The following UNG variants were observed in gnomAD, a reference collection of about 807,000 sequenced individuals.
UNG encodes uracil DNA glycosylase, also known as uracil-DNA glycosylase.
Under a neutral mutation model 36.5 loss-of-function variants are expected in UNG, and 34 were observed. The ratio of observed to expected loss-of-function variants is 0.93; its 90% confidence interval spans 0.71 to 1.24. The LOEUF (loss-of-function observed/expected upper bound fraction) is 1.24, where lower values mean the gene tolerates loss of function less well. UNG is among the 50% of genes most tolerant of loss of function. UNG has a pLI of 0.00. For synonymous variants in UNG, 172 were observed against 157.8 expected (o/e 1.09, Z -0.67); for missense variants, 391 against 397.6 (o/e 0.98, Z 0.14).
At chr12:109,105,416 A>G (rs1274118762) in intron 6 of UNG, among the ~76,000 whole-genome samples, 1 of 152,204 alleles carries the variant, frequency 6.6e-6, no homozygotes, top group African/African-American at 2.4e-5. Flanking sequence ...CTTCCGCAGT[A>G]TATTGGTAAT....
chr12:109,100,276 C>T (rs1268189015), intron 3 of UNG, among the ~76,000 whole-genome samples: 1 of 152,194 alleles, frequency 6.6e-6, no homozygotes, highest in African/African-American at 2.4e-5. Flanking sequence ...CCGTTGCCTG[C>T]CACCTCTGTG....
rs376264636 is a variant in UNG at position 109,104,905 on chromosome 12, G to A, written c.801+1294G>A. Among the ~76,000 whole-genome samples, 329 of 152,228 alleles carry A rather than the reference G, an allele frequency of 2.2e-3. 3 individuals are homozygous for A. The highest frequency in any genetic ancestry group is 7.8e-3 in the African/African-American group (323 of 41,548). On this transcript the variant is annotated intron_variant, in intron 6 of 6. Transcript: ENST00000242576. ...CGTATATTTAACCCCTACCTTGTGTGGGTACTAGGTTGAGCACTTTTGTTT... is the reference window on the plus strand; with the variant it reads ...CGTATATTTAACCCCTACCTTGTGTAGGTACTAGGTTGAGCACTTTTGTTT...
At position 109,101,811 on chromosome 12, in the gene UNG, TTTTA is replaced by T. The variant is rs1315178832; in HGVS notation, c.436-87_436-84del. 6 of 1,099,550 alleles carry T rather than the reference TTTTA, an allele frequency of 5.5e-6. No individual in the cohort carries two copies. In the African/African-American group the frequency reaches 6.2e-5, roughly 11 times the overall value. The allele number at this position is 1,099,550 out of a possible 1,614,324, so 68.1% of individuals were successfully genotyped here. ...ATTAGCAATCTATGCCATAGAAGTG[TTTTA>T]TTTGTTTTGTTTATGTTTGTTTGAG... On this transcript the variant is annotated intron_variant, in intron 3 of 6. Transcript: ENST00000242576.
At chr12:109,102,163 G>T (rs1321484839) in intron 4 of UNG, among the ~76,000 whole-genome samples, 164 bp downstream of exon 4, 1 of 151,582 alleles carries the variant, frequency 6.6e-6, no homozygotes, top group African/African-American at 2.4e-5. Context: ...TCTTTGTTGT[G>T]GAGGAGGAGA....
Position 109,099,157 on chromosome 12 carries a change from C to A in UNG, c.340-32C>A, listed in dbSNP as rs376170145. On this transcript the variant is annotated intron_variant, in intron 2 of 6. Transcript: ENST00000242576. ...AATTCTTATGGTTTCCAATGAGAATCTGATTTTAAGTCTAGTTTATCTTTA... is the reference window on the plus strand; with the variant it reads ...AATTCTTATGGTTTCCAATGAGAATATGATTTTAAGTCTAGTTTATCTTTA... The A allele has an allele frequency of 1.6e-5, 26 of 1,584,528 alleles. No homozygotes were observed. The African/African-American group carries it at 3.2e-4, about 20-fold the overall frequency.
intron 1 of UNG, 64 bp from the exon 2 acceptor site, chr12:109,098,368 G>A (rs1183128209): frequency 1.3e-5 from 21 of 1,602,292 alleles, no homozygotes; most frequent in Non-Finnish European, 1.7e-5. Flanking sequence ...TGGGCCGGAA[G>A]CTGCGGACGC....
In UNG at chr12:109,109,797, A is replaced by G. The variant is rs578171072; in HGVS notation, c.802-32A>G. On this transcript the variant is annotated intron_variant, in intron 6 of 6. Coordinates refer to ENST00000242576, the MANE Select transcript of UNG (RefSeq NM_080911.3). Reference sequence around the variant, plus strand: ...AAAAAAAAAATTTAAAAAGTCCCAAATCTGCCACCATTTATTCTTGATCTT... The same window carrying G: ...AAAAAAAAAATTTAAAAAGTCCCAAGTCTGCCACCATTTATTCTTGATCTT... The G allele has an allele frequency of 8.1e-6, 13 of 1,610,682 alleles. No homozygotes were observed. In the South Asian group the frequency reaches 1.1e-4, roughly 14 times the overall value.
intron 3 of UNG, among the ~76,000 whole-genome samples, chr12:109,099,783 AG>A (rs1390422750): frequency 6.6e-5 from 10 of 152,202 alleles, no homozygotes; most frequent in African/African-American, 2.4e-4. Context: ...TCTTGTGTTC[AG>A]AAGTTCGTGG....
At chr12:109,106,434 C>T (rs1427845590) in intron 6 of UNG, among the ~76,000 whole-genome samples, 2 of 151,938 alleles carry the variant, frequency 1.3e-5, no homozygotes, top group Non-Finnish European at 2.9e-5. Flanking sequence ...TTTTGAGAAA[C>T]AGTGATTTGT....
intron 6 of UNG, among the ~76,000 whole-genome samples, chr12:109,105,653 T>C (rs536281241): frequency 2.0e-5 from 3 of 152,336 alleles, no homozygotes; most frequent in African/African-American, 7.2e-5. Flanking sequence ...AAAAGCACCA[T>C]CATCTGCCCA....
chr12:109,110,171 C>G lies in UNG; in HGVS notation c.*202C>G, dbSNP rs56093316. 2 of 649,630 alleles carry G rather than the reference C, an allele frequency of 3.1e-6. No individual in the cohort carries two copies. The highest frequency in any genetic ancestry group is 1.8e-5 in the African/African-American group (1 of 54,830). 40.2% of individuals were successfully genotyped at this position (649,630 alleles called of 1,614,324 possible). On this transcript the variant is annotated 3_prime_UTR_variant, in exon 7 of 7. Coordinates refer to ENST00000242576, the MANE Select transcript of UNG (RefSeq NM_080911.3). ...CAAAGGCTACCCTTTGACCAAATGT[C>G]TTTCTCTGCAACATGGCTTCGGCCT... is the stretch of plus-strand genomic sequence containing the variant.
At chr12:109,098,779 AAAAG>A (rs1750799224) in intron 2 of UNG, 141 bp downstream of exon 2, 2 of 1,121,896 alleles carry the variant, frequency 1.8e-6, no homozygotes, top group Admixed American at 2.5e-5. Context: ...CAAAGGGGGT[AAAAG>A]AAAGCCATGA....
intron 6 of UNG, among the ~76,000 whole-genome samples, chr12:109,107,518 CTTTTTTTT>C (rs34833015): frequency 6.7e-5 from 6 of 89,436 alleles, no homozygotes; most frequent in Admixed American, 1.3e-4. Flanking sequence ...GACTATTCCT[CTTTTTTTT>C]TTTTTTTTTT....
chr12:109,102,078 A>G (rs2042182696), intron 4 of UNG, 79 bp downstream of exon 4: 3 of 1,299,284 alleles, frequency 2.3e-6, no homozygotes, highest in Admixed American at 1.8e-5. Context: ...AAGTGGGACT[A>G]TCTGGGGCAC....
chr12:109,103,045 A>G, intron 5 of UNG, 118 bp downstream of exon 5: 1 of 770,768 alleles, frequency 1.3e-6, no homozygotes, highest in Non-Finnish European at 2.2e-6. Flanking sequence ...TCTGCCTCCC[A>G]GGTTCAGGCG....
At chr12:109,102,693 C>G (rs1167091795) in intron 4 of UNG, 146 bp from the exon 5 acceptor site, 1 of 663,242 alleles carries the variant, frequency 1.5e-6, no homozygotes, top group East Asian at 2.8e-5. Context: ...CAGTGTTGAT[C>G]TCATTAATCG....
At position 109,102,000 on chromosome 12, in the gene UNG, G is replaced by A. The variant is rs1263531843; in HGVS notation, c.533+1G>A. 2 of 1,613,570 alleles carry A rather than the reference G, an allele frequency of 1.2e-6. No homozygotes were observed. On this transcript the variant is annotated splice_donor_variant, in intron 4 of 6. Coordinates refer to ENST00000242576, the MANE Select transcript of UNG (RefSeq NM_080911.3). LOFTEE classifies it high-confidence loss of function. ...AAAGGCCTGTTCCGCCTCCGCCCAG[G>A]TACAGTTGCTTTACAGGTGACTGCA...
intron 6 of UNG, among the ~76,000 whole-genome samples, chr12:109,108,926 C>T (rs1341009415): frequency 6.6e-6 from 1 of 152,186 alleles, no homozygotes; most frequent in Non-Finnish European, 1.5e-5. Context: ...GCCACCGTGA[C>T]TGGCCCCGTT....
At chr12:109,106,877 A>ATATATATATATATATATATATGTGTG (rs2042218653) in intron 6 of UNG, among the ~76,000 whole-genome samples, 1 of 35,126 alleles carries the variant, frequency 2.8e-5, no homozygotes, top group African/African-American at 6.5e-5. Context: ...AAAAAAAAAC[A>ATATATATATATATATATATATGTGTG]TATATATATA....
Sources: gnomAD v4.1 joint callset for allele counts (sites outside exome capture counted in the v4.1 genomes callset) on GRCh38, gnomAD v4.1.1 for gene constraint, MANE v1.5 for transcripts, NCBI Gene and HGNC (gene_info 2026-07-23, HGNC 2026-07-21) for gene names.